The following GPR137C variants were observed in gnomAD, a reference collection of about 807,000 sequenced individuals.
GPR137C encodes the protein G protein-coupled receptor 137C, also known as integral membrane protein GPR137C.
A neutral mutation model predicts 43.4 loss-of-function variants in GPR137C; 27 were observed. That is an observed-to-expected ratio of 0.62 (90% CI 0.46 to 0.86). The LOEUF is 0.86. Ranked by LOEUF, GPR137C falls within the 40% of genes least tolerant of loss-of-function variation. The pLI, the probability that GPR137C is intolerant of heterozygous loss-of-function variation, is 0.00. For synonymous variants in GPR137C, 285 were observed against 226.9 expected (o/e 1.26, Z -2.30); for missense variants, 522 against 534.6 (o/e 0.98, Z 0.23).
At chr14:52,616,196 GTA>G (rs1384567996) in intron 3 of GPR137C, among the ~76,000 whole-genome samples, 1 of 152,312 alleles carries the variant, frequency 6.6e-6, no homozygotes, top group African/African-American at 2.4e-5. Context: ...TTACACATCA[GTA>G]TGAGTTGGAA....
intron 3 of GPR137C, among the ~76,000 whole-genome samples, chr14:52,602,935 C>T (rs1374999651): frequency 6.6e-6 from 1 of 152,116 alleles, no homozygotes; most frequent in African/African-American, 2.4e-5. Flanking sequence ...ATCATCACCT[C>T]AAACATTTAT....
At chr14:52,614,575 C>T (rs1039632384) in intron 3 of GPR137C, among the ~76,000 whole-genome samples, 1 of 152,198 alleles carries the variant, frequency 6.6e-6, no homozygotes, top group East Asian at 1.9e-4. Context: ...GCAGCCTCAA[C>T]CTCCTGGGCC....
At chr14:52,624,517 A>G (rs559087076) in intron 3 of GPR137C, among the ~76,000 whole-genome samples, 23 of 152,172 alleles carry the variant, frequency 1.5e-4, no homozygotes, top group Non-Finnish European at 3.4e-4. Context: ...TGAACTCAGG[A>G]TTTTGAGAGC....
intron 1 of GPR137C, among the ~76,000 whole-genome samples, chr14:52,579,849 C>T (rs914023693): frequency 6.6e-6 from 1 of 152,120 alleles, no homozygotes; most frequent in African/African-American, 2.4e-5. Flanking sequence ...GCGAGCTGGC[C>T]GTGTAGGTAC....
intron 3 of GPR137C, among the ~76,000 whole-genome samples, chr14:52,602,439 T>C (rs1211379897): frequency 6.6e-6 from 1 of 152,092 alleles, no homozygotes; most frequent in Non-Finnish European, 1.5e-5. Context: ...TCTGTCTTCC[T>C]CTTTTCATTC....
chr14:52,618,835 G>C (rs2039128327), intron 3 of GPR137C, among the ~76,000 whole-genome samples: 1 of 152,054 alleles, frequency 6.6e-6, no homozygotes, highest in South Asian at 2.1e-4. Context: ...TAGTCCCCGA[G>C]ATAGCAAGTT....
chr14:52,573,383 C>G (rs2038501689), intron 1 of GPR137C, among the ~76,000 whole-genome samples: 1 of 152,096 alleles, frequency 6.6e-6, no homozygotes, highest in Non-Finnish European at 1.5e-5. Flanking sequence ...ATATATAGAC[C>G]AATGGAACAG....
intron 1 of GPR137C, among the ~76,000 whole-genome samples, chr14:52,559,304 C>T (rs2038243150): frequency 6.6e-6 from 1 of 152,062 alleles, no homozygotes; most frequent in Non-Finnish European, 1.5e-5. Flanking sequence ...ATCATTTGAA[C>T]CTGGGAGGTG....
At chr14:52,619,786 ATGAAACTGTTTG>A (rs1390457650) in intron 3 of GPR137C, among the ~76,000 whole-genome samples, 3 of 152,150 alleles carry the variant, frequency 2.0e-5, no homozygotes, top group African/African-American at 7.2e-5. Context: ...ACTTAGCAGC[ATGAAACTGTTTG>A]TGAAACTGTG....
In GPR137C at chr14:52,553,283, C is replaced by A. The variant is rs1453881050; in HGVS notation, c.136C>A (p.Gln46Lys). Residue 46 changes from glutamine to lysine, a missense_variant, in exon 1 of 7, where the codon CAG becomes AAG. Gln to Lys is a moderately conservative substitution (Grantham distance 53). Around this residue, in one of 3 missense-constraint regions of GPR137C, gnomAD observed 437 missense variants for 425.7 expected, o/e 1.03. Transcript: ENST00000321662. Reference sequence around the variant, plus strand: ...AGGCGCCGCGGTGCCGGGCTCCGTGCAGTTGGCGCTGAGCGTCCTGCACGC... The same window carrying A: ...AGGCGCCGCGGTGCCGGGCTCCGTGAAGTTGGCGCTGAGCGTCCTGCACGC... ...ASGAAVPGSV[Q>K]LALSVLHALL... 5 of 1,503,394 alleles carry A rather than the reference C, an allele frequency of 3.3e-6. No homozygotes were observed. The highest frequency in any genetic ancestry group is 4.4e-6 in the Non-Finnish European group (5 of 1,128,574). 93.1% of individuals were successfully genotyped at this position (1,503,394 alleles called of 1,614,324 possible).
Position 52,553,337 on chromosome 14 carries a change from G to A in GPR137C, c.190G>A (p.Ala64Thr). The change falls in exon 1 of 7, where the codon GCC becomes ACC. Residue 64 changes from alanine to threonine, a missense_variant. Ala to Thr is a moderately conservative substitution (Grantham distance 58, BLOSUM62 0). Transcript: ENST00000321662. The stretch of plus-strand genomic sequence containing the variant: ...GCTCTACGCCGCGCTGTTCGCCTTT[G>A]CCTACCTGCAGCTGTGGCGGCTGCT... The part of the protein sequence containing the change: ...ALLYAALFAF[A>T]YLQLWRLLLY... 6 of 1,600,294 alleles carry A rather than the reference G, an allele frequency of 3.7e-6. No homozygotes were observed. Among genetic ancestry groups the A allele is most frequent in the Non-Finnish European group, 5.1e-6 (6 of 1,177,636 alleles).
intron 1 of GPR137C, among the ~76,000 whole-genome samples, chr14:52,561,061 T>C (rs1187685619): frequency 6.6e-6 from 1 of 151,872 alleles, no homozygotes; most frequent in Non-Finnish European, 1.5e-5. Flanking sequence ...ACAAAAAAGA[T>C]ATATGCATAG....
intron 1 of GPR137C, among the ~76,000 whole-genome samples, chr14:52,586,636 A>T (rs556053253): frequency 6.6e-6 from 1 of 152,308 alleles, no homozygotes; most frequent in South Asian, 2.1e-4. Context: ...AAATGTGAAC[A>T]TATCACAGGT....
intron 1 of GPR137C, among the ~76,000 whole-genome samples, chr14:52,564,274 C>CAAAAAAA (rs34302766): frequency 1.1e-5 from 1 of 93,226 alleles, no homozygotes; most frequent in African/African-American, 4.0e-5. Context: ...GACTTCGTCT[C>CAAAAAAA]AAAAAAAAAA....
At chr14:52,585,919 A>G (rs2038707667) in intron 1 of GPR137C, among the ~76,000 whole-genome samples, 2 of 152,198 alleles carry the variant, frequency 1.3e-5, no homozygotes, top group East Asian at 3.8e-4. Flanking sequence ...AGCAGCAACA[A>G]AAGCAATGTC....
At chr14:52,559,337 A>ACC (rs1463431011) in intron 1 of GPR137C, among the ~76,000 whole-genome samples, 12 of 152,016 alleles carry the variant, frequency 7.9e-5, no homozygotes, top group Admixed American at 6.6e-4. Flanking sequence ...AACCGAGATC[A>ACC]CACCACTGCA....
intron 1 of GPR137C, among the ~76,000 whole-genome samples, chr14:52,577,782 G>A (rs1283827735): frequency 7.4e-6 from 1 of 134,696 alleles, no homozygotes; most frequent in African/African-American, 2.8e-5. Context: ...GGGCAACATA[G>A]CAAAACACCA....
Position 52,553,466 on chromosome 14 carries a change from A to T in GPR137C, c.319A>T (p.Ser107Cys). The T allele has an allele frequency of 6.2e-7, 1 of 1,608,910 alleles. No individual in the cohort carries two copies. Among genetic ancestry groups the T allele is most frequent in the Non-Finnish European group, 8.5e-7 (1 of 1,179,750 alleles). Residue 107 changes from serine to cysteine, a missense_variant, in exon 1 of 7, where the codon AGC (serine) becomes TGC (cysteine). Ser to Cys is a moderately radical substitution (Grantham distance 112, BLOSUM62 -1). Around this residue, in one of 3 missense-constraint regions of GPR137C, gnomAD observed 437 missense variants for 425.7 expected, o/e 1.03. Coordinates refer to ENST00000321662, the MANE Select transcript of GPR137C (RefSeq NM_001099652.2). ...CCTCTTCTCCGCCGCCTTCTCGCTC[A>T]GCGGCTCCCTGCCCTTGCTCCGGCC... ...TTLFSAAFSL[S>C]GSLPLLRPPA...
intron 1 of GPR137C, among the ~76,000 whole-genome samples, chr14:52,555,319 T>C (rs973262758): frequency 1.3e-5 from 2 of 152,152 alleles, no homozygotes; most frequent in Non-Finnish European, 2.9e-5. Flanking sequence ...GTATAACATA[T>C]ACAATAAAGT....
Sources: gnomAD v4.1 joint callset for allele counts (sites outside exome capture counted in the v4.1 genomes callset) on GRCh38, gnomAD v4.1.1 for gene constraint, gnomAD v4.1.1 regional missense constraint, MANE v1.5 for transcripts, NCBI Gene and HGNC (gene_info 2026-07-23, HGNC 2026-07-21) for gene names.